The following ZNF423 variants were observed in gnomAD, a reference collection of about 807,000 sequenced individuals.
ZNF423 encodes the protein zinc finger protein 423, also known as Ebf-associated zinc finger protein.
Under a neutral mutation model 95.8 loss-of-function variants are expected in ZNF423, and 12 were observed. The observed-to-expected ratio is 0.13, with a 90% CI of 0.08 to 0.20. The LOEUF (loss-of-function observed/expected upper bound fraction) is 0.20, where lower values mean the gene tolerates loss of function less well. Ranked by LOEUF, ZNF423 falls within the 10% of genes least tolerant of loss-of-function variation. ZNF423 has a pLI of 1.00. For missense variants in ZNF423, 1,316 were observed against 1,737.1 expected, an observed-to-expected ratio of 0.76 and a Z score of 4.31; for synonymous variants, 749 against 711.9, an observed-to-expected ratio of 1.05 and a Z score of -0.83.
intron 2 of ZNF423, among the ~76,000 whole-genome samples, chr16:49,739,672 C>T (rs1428617364): frequency 3.4e-5 from 5 of 148,818 alleles, no homozygotes; most frequent in African/African-American, 5.0e-5. Flanking sequence ...TGGAGCAACA[C>T]GTTTGTTTTT....
At chr16:49,688,767 T>G (rs1194839819) in intron 3 of ZNF423, among the ~76,000 whole-genome samples, 1 of 152,254 alleles carries the variant, frequency 6.6e-6, no homozygotes, top group Admixed American at 6.5e-5. Flanking sequence ...AAACTCCCGA[T>G]GCCAGCAGGC....
chr16:49,719,161 G>A (rs1364297922), intron 3 of ZNF423, among the ~76,000 whole-genome samples: 1 of 152,192 alleles, frequency 6.6e-6, no homozygotes, highest in East Asian at 1.9e-4. Flanking sequence ...AGGCAGCAGG[G>A]CCTCTCTGGG....
intron 1 of ZNF423, among the ~76,000 whole-genome samples, chr16:49,796,215 G>A (rs1487742534): frequency 6.6e-6 from 1 of 152,022 alleles, no homozygotes; most frequent in Non-Finnish European, 1.5e-5. Context: ...CTCTGGGATT[G>A]GCCACAGCTC....
In ZNF423 at chr16:49,638,954, G is replaced by C; in HGVS notation, c.302-80C>G. ...CAAGGACAGAGCCAGCTTCTCGACA[G>C]CACGCGGGCTGAGGCTGTGCAGCTG... On this transcript the variant is annotated intron_variant, in intron 3 of 7. Transcript: ENST00000563137. This position sits in a 1 kb window ranked among gnomAD's most constrained non-coding sequence, Gnocchi z 5.6. 6.7e-7 allele frequency: 1 copy of C among 1,494,012 alleles called. No homozygotes were observed. The highest frequency in any genetic ancestry group is 8.9e-7 in the Non-Finnish European group (1 of 1,121,680). 92.5% of individuals were successfully genotyped at this position (1,494,012 alleles called of 1,614,324 possible).
rs192704180 is a variant in ZNF423, at chr16:49,516,833, C to T, written c.3849+6791G>A. Among the ~76,000 whole-genome samples, 578 of 152,324 alleles carry T rather than the reference C, an allele frequency of 3.8e-3. 7 individuals are homozygous for T. Among genetic ancestry groups the T allele is most frequent in the African/African-American group, 0.013 (527 of 41,574 alleles). ...TGACCCAGGCTCACCTACCAGATTC[C>T]CCCTCCAGGGATCTAGCACCTGTTG... On this transcript the variant is annotated intron_variant, in intron 7 of 7. Coordinates refer to ENST00000563137, the MANE Select transcript of ZNF423 (RefSeq NM_001379286.1).
chr16:49,495,750 C>T (rs75678077), intron 7 of ZNF423, among the ~76,000 whole-genome samples: 2,405 of 152,240 alleles, frequency 0.016, 61 homozygotes, highest in African/African-American at 0.053. Context: ...GCTGGTTTTG[C>T]GCGCCCCAGG....
intron 5 of ZNF423, among the ~76,000 whole-genome samples, chr16:49,614,779 T>C (rs1971823022): frequency 6.6e-6 from 1 of 152,242 alleles, no homozygotes; most frequent in Admixed American, 6.5e-5. Flanking sequence ...AAGAACTTTA[T>C]TGTCTTTAAG....
intron 5 of ZNF423, among the ~76,000 whole-genome samples, chr16:49,541,867 T>C (rs896066709): frequency 6.6e-6 from 1 of 152,242 alleles, no homozygotes; most frequent in Admixed American, 6.5e-5. Flanking sequence ...CTATCATGAC[T>C]GTAAGTTTCC....
intron 5 of ZNF423, among the ~76,000 whole-genome samples, chr16:49,619,838 A>G (rs1193528605): frequency 6.6e-6 from 1 of 152,078 alleles, no homozygotes; most frequent in Non-Finnish European, 1.5e-5. Flanking sequence ...TTTTCTTTTC[A>G]TGTTCATGAG....
rs559701457 is a variant in ZNF423, at chr16:49,756,445, C to G, written c.101-25474G>C. Among the ~76,000 whole-genome samples, 20 of 152,306 alleles carry G rather than the reference C, an allele frequency of 1.3e-4. No homozygotes were observed. In the South Asian group the frequency reaches 3.1e-3, roughly 24 times the overall value. On this transcript the variant is annotated intron_variant, in intron 2 of 7. Coordinates refer to ENST00000563137, the MANE Select transcript of ZNF423 (RefSeq NM_001379286.1). ...TGAACATCAAGCGCTTGGAAAACAG[C>G]CTTTTGGAAGGCCAGTCCCCGCCAC... is the stretch of plus-strand genomic sequence containing the variant.
intron 2 of ZNF423, among the ~76,000 whole-genome samples, chr16:49,755,933 G>A (rs976030812): frequency 6.6e-6 from 1 of 152,130 alleles, no homozygotes; most frequent in African/African-American, 2.4e-5. Flanking sequence ...AGTCAGAGAC[G>A]GCCCTGCCTC....
chr16:49,591,964 G>A (rs569565497), intron 5 of ZNF423, among the ~76,000 whole-genome samples: 13 of 152,236 alleles, frequency 8.5e-5, no homozygotes, highest in Non-Finnish European at 1.8e-4. Flanking sequence ...ATGATGTAGT[G>A]CTTACCTGGG....
At chr16:49,712,607 A>T (rs1446024875) in intron 3 of ZNF423, among the ~76,000 whole-genome samples, 1 of 152,220 alleles carries the variant, frequency 6.6e-6, no homozygotes, top group African/African-American at 2.4e-5. Context: ...TCAAGCTTCT[A>T]ATTCCACCTT....
At position 49,638,203 on chromosome 16, in the gene ZNF423, C is replaced by G. The variant is rs771166740; in HGVS notation, c.973G>C (p.Ala325Pro). The G allele has an allele frequency of 6.2e-7, 1 of 1,608,086 alleles. No individual in the cohort carries two copies. ...CACTTGTGTTTCTGGTTGGCGTGGGCTTGGTGGATATGGGCGAGCAGTGTG... is the reference window on the plus strand; with the variant it reads ...CACTTGTGTTTCTGGTTGGCGTGGGGTTGGTGGATATGGGCGAGCAGTGTG... ...ENTLLAHIHQAHANQKHKCPM... is the reference protein window; with the variant it reads ...ENTLLAHIHQPHANQKHKCPM... Residue 325 changes from alanine to proline, a missense_variant, in exon 4 of 8, where the codon GCC becomes CCC. By Grantham distance (27) the Ala-to-Pro change is conservative. This residue lies in a region of ZNF423 where 399 missense variants were observed against 478.5 expected (regional missense o/e 0.83). Coordinates refer to ENST00000563137, the MANE Select transcript of ZNF423 (RefSeq NM_001379286.1). The surrounding 1 kb of genome is among the most constrained non-coding windows in gnomAD (Gnocchi z 5.6).
chr16:49,794,088 G>A (rs2034460381), intron 1 of ZNF423, among the ~76,000 whole-genome samples: 1 of 152,064 alleles, frequency 6.6e-6, no homozygotes, highest in South Asian at 2.1e-4. Flanking sequence ...CTAGGCTGGA[G>A]TGCAGTGGTG....
At chr16:49,802,376 G>T (rs909611695) in intron 1 of ZNF423, among the ~76,000 whole-genome samples, 1 of 152,182 alleles carries the variant, frequency 6.6e-6, no homozygotes, top group Non-Finnish European at 1.5e-5. Flanking sequence ...CAAGGTCCTT[G>T]GGGTGAAACC....
At chr16:49,761,462 C>CTAAGAATCTTGTGTTACTAGAATTGTGT (rs1221885212) in intron 2 of ZNF423, among the ~76,000 whole-genome samples, 4 of 152,210 alleles carry the variant, frequency 2.6e-5, no homozygotes, top group Non-Finnish European at 4.4e-5. Context: ...CAAGATTGTG[C>CTAAGAATCTTGTGTTACTAGAATTGTGT]GTTACTAGAA....
chr16:49,786,550 C>T (rs2034317866), intron 2 of ZNF423, among the ~76,000 whole-genome samples: 1 of 152,210 alleles, frequency 6.6e-6, no homozygotes, highest in Non-Finnish European at 1.5e-5. Context: ...GTGAGCAGGA[C>T]CACCTATGCC....
chr16:49,500,156 A>G (rs1246580637), intron 7 of ZNF423, among the ~76,000 whole-genome samples: 1 of 152,140 alleles, frequency 6.6e-6, no homozygotes, highest in Non-Finnish European at 1.5e-5. Flanking sequence ...TCAGCAACAG[A>G]GTCTATGCCT....
Sources: allele counts gnomAD v4.1 joint callset (sites outside exome capture counted in the v4.1 genomes callset), GRCh38; gene constraint gnomAD v4.1.1; regional missense constraint gnomAD v4.1.1; non-coding constraint Gnocchi (gnomAD v3.1); transcripts MANE v1.5; gene names NCBI Gene and HGNC (gene_info 2026-07-23, HGNC 2026-07-21).